The following VANGL2 variants were observed in gnomAD, a reference collection of about 807,000 sequenced individuals.
VANGL2 encodes VANGL planar cell polarity protein 2.
In VANGL2, 14 loss-of-function variants were observed where a neutral mutation model predicts 50.2. The ratio of observed to expected loss-of-function variants is 0.28; its 90% CI spans 0.18 to 0.44. The LOEUF is 0.44. VANGL2 is among the 20% of genes least tolerant of loss of function. VANGL2 has a pLI of 1.00. For synonymous variants in VANGL2, 295 were observed against 297.2 expected (o/e 0.99, Z 0.08); for missense variants, 533 against 701.5 (o/e 0.76, Z 2.71).
At chr1:160,414,007 G>C (rs1356227393) in intron 1 of VANGL2, among the ~76,000 whole-genome samples, 1 of 152,060 alleles carries the variant, frequency 6.6e-6, no homozygotes, top group African/African-American at 2.4e-5. Context: ...CTCAGGCCGG[G>C]GATTCTTAAC....
intron 1 of VANGL2, among the ~76,000 whole-genome samples, chr1:160,403,421 A>G (rs1336221165): frequency 6.6e-6 from 1 of 152,038 alleles, no homozygotes; most frequent in Non-Finnish European, 1.5e-5. Context: ...CTCCTCACCC[A>G]TTGTCTTGCT....
intron 3 of VANGL2, 108 bp downstream of exon 3, chr1:160,416,290 C>T: frequency 6.3e-7 from 1 of 1,577,818 alleles, no homozygotes; most frequent in Non-Finnish European, 8.7e-7. Flanking sequence ...TCTCAGACAG[C>T]CATCAGATCG....
Position 160,419,091 on chromosome 1 carries a change from C to T in VANGL2, c.282C>T (p.Asp94=), listed in dbSNP as rs1651165894. ...SHDDLTRIAK[D]MEDSVPLDCS... The stretch of plus-strand genomic sequence containing the variant: ...ATGACCTCACACGCATCGCCAAGGA[C>T]ATGGAGGACAGTGTCCCTCTGGACT... The change falls in exon 4 of 8, where the codon GAC becomes GAT. Residue 94 remains aspartate, a synonymous_variant. Transcript: ENST00000368061. The surrounding 1 kb of genome is among the most constrained non-coding windows in gnomAD (Gnocchi z 5.8). The T allele has an allele frequency of 6.2e-7, 1 of 1,614,032 alleles. No homozygotes were observed. The highest frequency in any genetic ancestry group is 8.5e-7 in the Non-Finnish European group (1 of 1,180,000).
chr1:160,418,981 C>CCTTTCCTCCTTATCCTT (rs754719583), intron 3 of VANGL2, 21 bp from the exon 4 acceptor site: 7 of 1,597,014 alleles, frequency 4.4e-6, no homozygotes, highest in Non-Finnish European at 6.0e-6. Flanking sequence ...TATTGTGTGG[C>CCTTTCCTCCTTATCCTT]TGGCCCCCTT....
At position 160,421,179 on chromosome 1, in the gene VANGL2, G is replaced by A; in HGVS notation, c.1065G>A (p.Arg355=). The A allele has an allele frequency of 6.2e-7, 1 of 1,613,458 alleles. No individual in the cohort carries two copies. Among genetic ancestry groups the A allele is most frequent in the East Asian group, 2.2e-5 (1 of 44,880 alleles). Residue 355 remains arginine, a synonymous_variant, in exon 6 of 8, where the codon AGG becomes AGA. Coordinates refer to ENST00000368061, the MANE Select transcript of VANGL2 (RefSeq NM_020335.3). ...EAEHERRVRK[R]RARLVVAVEE... is the part of the protein sequence containing the mutation. ...AGCATGAGCGAAGGGTGCGCAAGAG[G>A]AGGGCCAGGTGGGTCCCTGGGGGAG...
Position 160,415,687 on chromosome 1 carries a change from C to A in VANGL2, c.-151C>A. 1.1e-6 allele frequency: 1 copy of A among 879,402 alleles called. No homozygotes were observed. The highest frequency in any genetic ancestry group is 1.8e-6 in the Non-Finnish European group (1 of 560,272). The allele number at this position is 879,402 out of a possible 1,614,324, so 54.5% of individuals were successfully genotyped here. A position where few individuals can be genotyped will look rare whatever the true frequency, so the allele number is the denominator to read the frequency against. ...TTTCTCTGAGACAAGCCCACCCGTC[C>A]AGCAAAATAGAGTCCCTCAGGGTGA... On this transcript the variant is annotated 5_prime_UTR_variant, in exon 2 of 8. Coordinates refer to ENST00000368061, the MANE Select transcript of VANGL2 (RefSeq NM_020335.3).
In VANGL2 at chr1:160,416,173, G is replaced by T. The variant is rs758859351; in HGVS notation, c.183G>T (p.Gly61=). 8.7e-6 allele frequency: 14 copies of T among 1,614,222 alleles called. No homozygotes were observed. The highest frequency in any genetic ancestry group is 1.2e-5 in the Non-Finnish European group (14 of 1,180,036). ...TGCTGGACAATGAGTCCACACGAGG[G>T]GATGAGCGGGTGAGCACTGGGGATG... The part of the protein sequence containing the change: ...EPLLDNESTR[G]DERDDNWGET... The change falls in exon 3 of 8, where the codon GGG becomes GGT. Residue 61 remains glycine, a synonymous_variant. Coordinates refer to ENST00000368061, the MANE Select transcript of VANGL2 (RefSeq NM_020335.3).
chr1:160,419,539 C>T lies in VANGL2; in HGVS notation c.730C>T (p.Pro244Ser). ...CCTGCTGGAGCTGCGCCAGCTCCAG[C>T]CTCAGTTCACGCTCAAGGTCGTGCG... is the stretch of plus-strand genomic sequence containing the variant. ...VVLLELRQLQ[P>S]QFTLKVVRST... The change falls in exon 4 of 8, where the codon CCT (proline) becomes TCT (serine). Residue 244 changes from proline to serine, a missense_variant. Transcript: ENST00000368061. This position sits in a 1 kb window ranked among gnomAD's most constrained non-coding sequence, Gnocchi z 5.8. The T allele has an allele frequency of 6.2e-7, 1 of 1,600,956 alleles. No homozygotes were observed. Among genetic ancestry groups the T allele is most frequent in the African/African-American group, 1.3e-5 (1 of 75,014 alleles).
Position 160,420,488 on chromosome 1 carries a change from T to G in VANGL2, c.878T>G (p.Leu293Arg). 6.2e-7 allele frequency: 1 copy of G among 1,614,078 alleles called. No individual in the cohort carries two copies. The highest frequency in any genetic ancestry group is 1.1e-5 in the South Asian group (1 of 91,066). ...FPVYNPALLNLPKSVLAKKVS... is the reference protein window; with the variant it reads ...FPVYNPALLNRPKSVLAKKVS... ...GTCTACAACCCTGCCCTCCTCAACC[T>G]GCCCAAGTCCGTCCTGGCCAAGAAA... The change falls in exon 5 of 8, where the codon CTG (leucine) becomes CGG (arginine). Residue 293 changes from leucine to arginine, a missense_variant. By Grantham distance (102) the Leu-to-Arg change is moderately radical. Coordinates refer to ENST00000368061, the MANE Select transcript of VANGL2 (RefSeq NM_020335.3).
At chr1:160,416,328 T>C in intron 3 of VANGL2, 146 bp downstream of exon 3, 5 of 1,374,862 alleles carry the variant, frequency 3.6e-6, no homozygotes, top group Non-Finnish European at 5.1e-6. Context: ...TACACTTAGC[T>C]TGGCTTAGTG....
rs1651410748 is a variant in VANGL2, at chr1:160,425,267, C to T, written c.1455C>T (p.Phe485=). The change falls in exon 8 of 8, where the codon TTC becomes TTT. Residue 485 remains phenylalanine, a synonymous_variant. Coordinates refer to ENST00000368061, the MANE Select transcript of VANGL2 (RefSeq NM_020335.3). ...GIVFLLKRQD[F]SLVVSTKKVP... ...TTTTCCTCTTAAAACGCCAGGACTT[C>T]AGCCTGGTGGTCAGCACCAAGAAGG... 6.2e-7 allele frequency: 1 copy of T among 1,614,048 alleles called. No individual in the cohort carries two copies. The highest frequency in any genetic ancestry group is 8.5e-7 in the Non-Finnish European group (1 of 1,180,032).
Position 160,419,540 on chromosome 1 carries a change from C to G in VANGL2, c.731C>G (p.Pro244Arg). 6.2e-7 allele frequency: 1 copy of G among 1,600,950 alleles called. No homozygotes were observed. The highest frequency in any genetic ancestry group is 8.5e-7 in the Non-Finnish European group (1 of 1,179,626). The change falls in exon 4 of 8, where the codon CCT becomes CGT. Residue 244 changes from proline (P) to arginine (R), a missense_variant. Transcript: ENST00000368061. The surrounding 1 kb of genome is among the most constrained non-coding windows in gnomAD (Gnocchi z 5.8). ...CTGCTGGAGCTGCGCCAGCTCCAGC[C>G]TCAGTTCACGCTCAAGGTCGTGCGC... ...VVLLELRQLQ[P>R]QFTLKVVRST...
At position 160,415,914 on chromosome 1, in the gene VANGL2, C is replaced by G; in HGVS notation, c.71+6C>G. 1 of 1,614,156 alleles carries G rather than the reference C, an allele frequency of 6.2e-7. No homozygotes were observed. The highest frequency in any genetic ancestry group is 8.5e-7 in the Non-Finnish European group (1 of 1,180,024). Reference sequence around the variant, plus strand: ...CGCAGCTCCCGCAAGCACAGGTGGGCAGGCATGCAGGGTGACATGCGTGGC... The same window carrying G: ...CGCAGCTCCCGCAAGCACAGGTGGGGAGGCATGCAGGGTGACATGCGTGGC... On this transcript the variant is annotated splice_donor_region_variant and intron_variant, in intron 2 of 7. Coordinates refer to ENST00000368061, the MANE Select transcript of VANGL2 (RefSeq NM_020335.3).
chr1:160,418,411 T>C (rs563406107), intron 3 of VANGL2, among the ~76,000 whole-genome samples: 2 of 152,186 alleles, frequency 1.3e-5, no homozygotes, highest in South Asian at 4.2e-4. Flanking sequence ...TTTAGTTCAG[T>C]GATTCTCAAT....
chr1:160,404,640 A>G (rs1401121243), intron 1 of VANGL2, among the ~76,000 whole-genome samples: 1 of 152,224 alleles, frequency 6.6e-6, no homozygotes, highest in Non-Finnish European at 1.5e-5. Context: ...TGGATATTTC[A>G]TACAAATGGA....
At chr1:160,420,989 C>A in intron 5 of VANGL2, 63 bp from the exon 6 acceptor site, 1 of 1,607,208 alleles carries the variant, frequency 6.2e-7, no homozygotes, top group South Asian at 1.1e-5. Flanking sequence ...CTCCAGAGCT[C>A]CTGGAGTGGG....
Position 160,415,661 on chromosome 1 carries a change from T to G in VANGL2, c.-177T>G. On this transcript the variant is annotated 5_prime_UTR_variant, in exon 2 of 8. Coordinates refer to ENST00000368061, the MANE Select transcript of VANGL2 (RefSeq NM_020335.3). ...TCCTCTCACCAGGAGCGTCGCTGGATTTTCTCTGAGACAAGCCCACCCGTC... is the reference window on the plus strand; with the variant it reads ...TCCTCTCACCAGGAGCGTCGCTGGAGTTTCTCTGAGACAAGCCCACCCGTC... 1 of 716,264 alleles carries G rather than the reference T, an allele frequency of 1.4e-6. No homozygotes were observed. The allele number at this position is 716,264 out of a possible 1,614,324, so 44.4% of individuals were successfully genotyped here.
Position 160,415,869 on chromosome 1 carries a change from C to G in VANGL2, c.32C>G (p.Ser11Cys), listed in dbSNP as rs895928249. ...ACCGAGTCCCAGTACTCGGGCTATT[C>G]CTACAAGTCGGGCCACTCCCGCAGC... Reference protein sequence around the residue: MDTESQYSGYSYKSGHSRSSR... With the variant: MDTESQYSGYCYKSGHSRSSR... The change falls in exon 2 of 8, where the codon TCC (serine) becomes TGC (cysteine). Residue 11 changes from serine to cysteine, a missense_variant. Coordinates refer to ENST00000368061, the MANE Select transcript of VANGL2 (RefSeq NM_020335.3). 9 of 1,613,984 alleles carry G rather than the reference C, an allele frequency of 5.6e-6. No homozygotes were observed. The highest frequency in any genetic ancestry group is 2.7e-5 in the African/African-American group (2 of 74,950).
At chr1:160,403,329 AGAG>A (rs1650547083) in intron 1 of VANGL2, among the ~76,000 whole-genome samples, 1 of 152,126 alleles carries the variant, frequency 6.6e-6, no homozygotes, top group African/African-American at 2.4e-5. Context: ...TCTCTTCCAA[AGAG>A]GAGGAATTGT....
Sources: gnomAD v4.1 joint callset for allele counts (sites outside exome capture counted in the v4.1 genomes callset) on GRCh38, gnomAD v4.1.1 for gene constraint, Gnocchi (gnomAD v3.1) non-coding constraint, MANE v1.5 for transcripts, NCBI Gene and HGNC (gene_info 2026-07-23, HGNC 2026-07-21) for gene names.